Variants in ABTB3 observed in about 807,000 individuals in gnomAD.
ABTB3 encodes ankyrin repeat- and BTB/POZ domain-containing protein 3.
chr12:107,363,843 A>C, the ABTB3 span, among the ~76,000 whole-genome samples: 1 of 152,216 alleles, frequency 6.6e-6, no homozygotes, highest in Non-Finnish European at 1.5e-5. Context: ...TGAGTGAGGA[A>C]ATACAGGATA....
At chr12:107,323,235 C>T in the ABTB3 span, among the ~76,000 whole-genome samples, 1 of 152,132 alleles carries the variant, frequency 6.6e-6, no homozygotes, top group Non-Finnish European at 1.5e-5. Flanking sequence ...CCACCTCAGC[C>T]GAGTAGCTGG....
chr12:107,424,144 C>A, the ABTB3 span, among the ~76,000 whole-genome samples: 388 of 152,234 alleles, frequency 2.5e-3, 1 homozygote, highest in Middle Eastern at 0.014. Flanking sequence ...ATAACAACAA[C>A]AAAAAACAAA....
At chr12:107,559,145 G>T in the ABTB3 span, among the ~76,000 whole-genome samples, 7 of 152,350 alleles carry the variant, frequency 4.6e-5, no homozygotes, top group Middle Eastern at 3.4e-3. Context: ...AGAGAGAGAT[G>T]TAGGGACCAG....
chr12:107,330,088 G>A, the ABTB3 span, among the ~76,000 whole-genome samples: 1 of 152,174 alleles, frequency 6.6e-6, no homozygotes, highest in Non-Finnish European at 1.5e-5. Flanking sequence ...AGAATACTTG[G>A]TGAATGCGAA....
the ABTB3 span, among the ~76,000 whole-genome samples, chr12:107,405,604 A>T: frequency 6.6e-6 from 1 of 152,252 alleles, no homozygotes; most frequent in Non-Finnish European, 1.5e-5. Flanking sequence ...AATGGCAGAC[A>T]CTTGGAAATC....
At chr12:107,649,982 G>A in the ABTB3 span, 2 of 152,202 alleles carry the variant, frequency 1.3e-5, no homozygotes, top group African/African-American at 4.8e-5. Flanking sequence ...GAAACTGGGA[G>A]CTTTGAACCA....
At chr12:107,495,128 T>C in the ABTB3 span, among the ~76,000 whole-genome samples, 9 of 152,032 alleles carry the variant, frequency 5.9e-5, no homozygotes, top group African/African-American at 1.9e-4. Flanking sequence ...ACCCCAACAG[T>C]ATCCTCAGGA....
chr12:107,363,295 CA>C, the ABTB3 span, among the ~76,000 whole-genome samples: 3 of 152,218 alleles, frequency 2.0e-5, no homozygotes, highest in Non-Finnish European at 4.4e-5. Flanking sequence ...GAGGACTTGA[CA>C]AGTGTCCTTG....
the ABTB3 span, among the ~76,000 whole-genome samples, chr12:107,381,467 G>A: frequency 6.6e-6 from 1 of 152,216 alleles, no homozygotes; most frequent in Non-Finnish European, 1.5e-5. Context: ...GCCTACACTG[G>A]CACCCAAAGG....
the ABTB3 span, among the ~76,000 whole-genome samples, chr12:107,461,101 G>A: frequency 6.8e-3 from 1,034 of 152,240 alleles, 8 homozygotes; most frequent in Non-Finnish European, 0.011. Context: ...ATGGTGGCAG[G>A]CAAGAGGGCT....
the ABTB3 span, among the ~76,000 whole-genome samples, chr12:107,460,846 G>A: frequency 4.6e-5 from 7 of 152,174 alleles, no homozygotes; most frequent in African/African-American, 1.7e-4. Context: ...TCCTGCCCCT[G>A]TACTGGGTAG....
At chr12:107,477,616 A>G in the ABTB3 span, among the ~76,000 whole-genome samples, 5 of 152,174 alleles carry the variant, frequency 3.3e-5, no homozygotes, top group Non-Finnish European at 5.9e-5. Flanking sequence ...GTTTTATTTT[A>G]TGCTAGTTTA....
the ABTB3 span, among the ~76,000 whole-genome samples, chr12:107,653,521 A>AAG: frequency 6.7e-6 from 1 of 150,090 alleles, no homozygotes; most frequent in East Asian, 1.9e-4. Flanking sequence ...TGTCTCAAAA[A>AAG]AAAAAAAAGA....
chr12:107,404,162 CAAAAAAAAA>C, the ABTB3 span, among the ~76,000 whole-genome samples: 7 of 40,256 alleles, frequency 1.7e-4, no homozygotes, highest in Non-Finnish European at 3.1e-4. Flanking sequence ...GACTCTAACT[CAAAAAAAAA>C]AAAAAAAAAA....
At chr12:107,571,883 A>G in the ABTB3 span, among the ~76,000 whole-genome samples, 1 of 152,232 alleles carries the variant, frequency 6.6e-6, no homozygotes, top group African/African-American at 2.4e-5. Flanking sequence ...AGCATCCTGC[A>G]GTTCAGAGCT....
chr12:107,515,231 A>G, the ABTB3 span, among the ~76,000 whole-genome samples: 55 of 152,342 alleles, frequency 3.6e-4, no homozygotes, highest in Middle Eastern at 3.4e-3. Context: ...GTTGCTCAAT[A>G]TGTGAAGCAA....
chr12:107,591,606 T>C, the ABTB3 span, among the ~76,000 whole-genome samples: 1 of 152,168 alleles, frequency 6.6e-6, no homozygotes, highest in Non-Finnish European at 1.5e-5. Context: ...ACATGAGATT[T>C]GGGCAAGGAC....
the ABTB3 span, chr12:107,612,957 T>C: frequency 2.7e-5 from 34 of 1,253,852 alleles, no homozygotes; most frequent in Non-Finnish European, 3.6e-5. Context: ...TCCCAAGAGC[T>C]GCCACTGAGG....
chr12:107,386,841 T>C, the ABTB3 span, among the ~76,000 whole-genome samples: 23,057 of 151,734 alleles, frequency 0.15, 2,403 homozygotes, highest in African/African-American at 0.28. Flanking sequence ...TAGGTCACAG[T>C]GGCCTGGGCT....
Sources: allele counts gnomAD v4.1 joint callset (sites outside exome capture counted in the v4.1 genomes callset), GRCh38; gene constraint gnomAD v4.1.1; transcripts MANE v1.5; gene names NCBI Gene and HGNC (gene_info 2026-07-23, HGNC 2026-07-21).